APBB1: variants seen among roughly 807,000 people sequenced by gnomAD.
APBB1 encodes the protein amyloid beta precursor protein binding family B member 1.
A neutral mutation model predicts 78.4 loss-of-function variants in APBB1; 22 were observed. That is an observed-to-expected ratio of 0.28 (90% CI 0.20 to 0.40). The LOEUF (loss-of-function observed/expected upper bound fraction) is 0.40, where lower values mean the gene tolerates loss of function less well. APBB1 is among the 10% of genes least tolerant of loss of function. The probability of loss-of-function intolerance (pLI) is 1.00; values close to 1 mark genes in which losing one functional copy is unlikely to be tolerated. For missense variants in APBB1, 749 were observed against 932.4 expected (o/e 0.80, Z 2.56); for synonymous variants, 369 against 372.7 (o/e 0.99, Z 0.12).
chr11:6,415,833 A>G (rs1200459720), intron 1 of APBB1, among the ~76,000 whole-genome samples: 2 of 151,792 alleles, frequency 1.3e-5, no homozygotes, highest in East Asian at 3.9e-4. Flanking sequence ...CTGTTTATCT[A>G]TTTTCTCCTC....
chr11:6,415,042 T>G (rs1432922602), intron 1 of APBB1, among the ~76,000 whole-genome samples: 1 of 152,194 alleles, frequency 6.6e-6, no homozygotes, highest in African/African-American at 2.4e-5. Context: ...ACTGTTTAAG[T>G]GCTGAAGCCT....
intron 1 of APBB1, among the ~76,000 whole-genome samples, chr11:6,413,081 C>G (rs557817352): frequency 2.8e-4 from 42 of 152,078 alleles, no homozygotes; most frequent in Non-Finnish European, 2.1e-4. Context: ...CCTTCCCGGA[C>G]CCCCAAGAGA....
intron 2 of APBB1, chr11:6,404,709 AC>A: frequency 6.5e-7 from 1 of 1,535,712 alleles, no homozygotes; most frequent in Non-Finnish European, 8.7e-7. Context: ...TGTCAGCCCC[AC>A]CCCACATGAG....
intron 1 of APBB1, among the ~76,000 whole-genome samples, chr11:6,416,292 C>T (rs571660389): frequency 1.3e-5 from 2 of 152,320 alleles, no homozygotes; most frequent in African/African-American, 4.8e-5. Context: ...CCATTACCTG[C>T]TGGAGTTTCT....
intron 6 of APBB1, 105 bp from the exon 7 acceptor site, chr11:6,402,830 G>A: frequency 7.1e-7 from 1 of 1,415,740 alleles, no homozygotes; most frequent in Admixed American, 1.9e-5. Flanking sequence ...AACTAAGACG[G>A]AGAAGCTCCC....
intron 2 of APBB1, chr11:6,405,461 GC>G (rs1848762247): frequency 1.0e-6 from 1 of 986,812 alleles, no homozygotes; most frequent in Non-Finnish European, 1.2e-6. Flanking sequence ...CGCCCAGACT[GC>G]TGACGTGCTT....
chr11:6,402,467 C>A, intron 7 of APBB1, 109 bp downstream of exon 7: 1 of 1,299,494 alleles, frequency 7.7e-7, no homozygotes, highest in Non-Finnish European at 1.1e-6. Flanking sequence ...TAGGATGGGC[C>A]AATATCCCCC....
At chr11:6,406,485 G>A (rs903603488) in intron 2 of APBB1, among the ~76,000 whole-genome samples, 2 of 152,024 alleles carry the variant, frequency 1.3e-5, no homozygotes. Context: ...GCACAGTACA[G>A]CCCAAATGAT....
rs1435753573 is a variant in APBB1, at chr11:6,403,391, T to A, written c.968A>T (p.Asp323Val). The A allele has an allele frequency of 1.9e-6, 3 of 1,614,146 alleles. No homozygotes were observed. Among genetic ancestry groups the A allele is most frequent in the Non-Finnish European group, 8.5e-7 (1 of 1,180,006 alleles). ...DGEFWKDEPS[D>V]EAPMELGLKE... The stretch of plus-strand genomic sequence containing the variant: ...CAGTCCCAGCTCCATTGGGGCCTCA[T>A]CACTGGGTTCATCCTTGGGAAGGGG... The change falls in exon 5 of 15, where the codon GAT (aspartate) becomes GTT (valine). Residue 323 changes from aspartate (D) to valine (V), a missense_variant. Physicochemically the swap from Asp to Val is radical, Grantham distance 152 (BLOSUM62 -3). Around this residue, in one of 3 missense-constraint regions of APBB1, gnomAD observed 635 missense variants for 765.0 expected, o/e 0.83. Transcript: ENST00000609360. The surrounding 1 kb of genome is among the most constrained non-coding windows in gnomAD (Gnocchi z 5.3).
At chr11:6,415,427 T>C (rs1299179182) in intron 1 of APBB1, among the ~76,000 whole-genome samples, 1 of 152,202 alleles carries the variant, frequency 6.6e-6, no homozygotes, top group African/African-American at 2.4e-5. Context: ...GAGTTCTCAG[T>C]TCAGCGGGAA....
chr11:6,396,304 C>T, intron 12 of APBB1, 89 bp from the exon 13 acceptor site: 1 of 1,186,014 alleles, frequency 8.4e-7, no homozygotes, highest in Admixed American at 2.8e-5. Context: ...CAATCAAACC[C>T]AGGGCCTTTG....
chr11:6,395,817 C>T lies in APBB1; in HGVS notation c.1934G>A (p.Ser645Asn), dbSNP rs1339221321. The change falls in exon 14 of 15, where the codon AGC becomes AAC. Residue 645 changes from serine (S) to asparagine (N), a missense_variant. Ser to Asn is a conservative substitution (Grantham distance 46). Around this residue, in one of 3 missense-constraint regions of APBB1, gnomAD observed 96 missense variants for 116.0 expected, o/e 0.83. Coordinates refer to ENST00000609360, the MANE Select transcript of APBB1 (RefSeq NM_001164.5). This position sits in a 1 kb window ranked among gnomAD's most constrained non-coding sequence, Gnocchi z 5.2. ...CGCAGCCTGCACAGCCTCTGAGAGG[C>T]TGGCAGCATTGGGCTCGCACCAGAA... ...HMFWCEPNAA[S>N]LSEAVQAACM... 3.1e-6 allele frequency: 5 copies of T among 1,613,984 alleles called. No individual in the cohort carries two copies. Among genetic ancestry groups the T allele is most frequent in the Non-Finnish European group, 4.2e-6 (5 of 1,180,010 alleles).
In APBB1 at chr11:6,403,290, C is replaced by A. The variant is rs767238147; in HGVS notation, c.1040+29G>T. ...GCCCCTTCCAGACAGATCCATCCCA[C>A]TGCCAGCTCACTGCATCTGGCAGCT... is the stretch of plus-strand genomic sequence containing the variant. On this transcript the variant is annotated intron_variant, in intron 5 of 14. Transcript: ENST00000609360. The surrounding 1 kb of genome is among the most constrained non-coding windows in gnomAD (Gnocchi z 5.3). 6 of 1,613,132 alleles carry A rather than the reference C, an allele frequency of 3.7e-6. 1 individual carries two copies. In the South Asian group the frequency reaches 6.6e-5, roughly 18 times the overall value.
intron 12 of APBB1, among the ~76,000 whole-genome samples, chr11:6,398,490 T>C (rs753825936): frequency 1.3e-5 from 2 of 152,090 alleles, no homozygotes; most frequent in Admixed American, 6.5e-5. Flanking sequence ...AAGCAGGAAG[T>C]AAGTTTAGAG....
intron 7 of APBB1, 180 bp from the exon 8 acceptor site, chr11:6,402,389 C>T (rs910883929): frequency 1.3e-5 from 14 of 1,098,920 alleles, no homozygotes; most frequent in South Asian, 9.4e-5. Flanking sequence ...TTGACTCCAC[C>T]GTTGTTAGGC....
chr11:6,411,644 C>A lies in APBB1; in HGVS notation c.-14-283G>T, dbSNP rs79811238. On this transcript the variant is annotated intron_variant, in intron 1 of 14. Coordinates refer to ENST00000609360, the MANE Select transcript of APBB1 (RefSeq NM_001164.5). The surrounding 1 kb of genome is among the most constrained non-coding windows in gnomAD (Gnocchi z 5.2). ...TGGCGCCTGCCCTCGGTCCCACCAG[C>A]AAGGCCTCCACACAATGGCTCTCTG... 0.013 allele frequency among the ~76,000 whole-genome samples: 2,045 copies of A among 152,250 alleles called. 17 individuals carry two copies. The highest frequency in any genetic ancestry group is 0.016 in the Non-Finnish European group (1,057 of 68,008).
rs1441029396 is a variant in APBB1 at position 6,411,088 on chromosome 11, T to G, written c.260A>C (p.Gln87Pro). The change falls in exon 2 of 15, where the codon CAG (glutamine) becomes CCG (proline). Residue 87 changes from glutamine (Q) to proline (P), a missense_variant. Transcript: ENST00000609360. The surrounding 1 kb of genome is among the most constrained non-coding windows in gnomAD (Gnocchi z 5.2). ...LRRAATAHRD[Q>P]NRNVTLTLAE... ...CAAGGTCAAGGTCACATTGCGATTC[T>G]GGTCACGGTGGGCCGTGGCGGCCCG... The G allele has an allele frequency of 6.2e-7, 1 of 1,613,450 alleles. No homozygotes were observed. Among genetic ancestry groups the G allele is most frequent in the Admixed American group, 1.7e-5 (1 of 60,036 alleles).
chr11:6,396,000 C>T lies in APBB1; in HGVS notation c.1789-38G>A, dbSNP rs758157275. 6.2e-7 allele frequency: 1 copy of T among 1,606,604 alleles called. No homozygotes were observed. The highest frequency in any genetic ancestry group is 8.5e-7 in the Non-Finnish European group (1 of 1,174,902). On this transcript the variant is annotated intron_variant, in intron 13 of 14. Coordinates refer to ENST00000609360, the MANE Select transcript of APBB1 (RefSeq NM_001164.5). This position sits in a 1 kb window ranked among gnomAD's most constrained non-coding sequence, Gnocchi z 5.2. ...AACTCAGTTAAAAAGGAACACCAAC[C>T]CCACACTGTGTTCCACATCCATCTT...
Position 6,411,102 on chromosome 11 carries a change from C to A in APBB1, c.246G>T (p.Thr82=), listed in dbSNP as rs1186971924. The A allele has an allele frequency of 1.2e-6, 2 of 1,612,584 alleles. No homozygotes were observed. The highest frequency in any genetic ancestry group is 1.1e-5 in the South Asian group (1 of 91,082). ...EGQNQLRRAA[T]AHRDQNRNVT... is the part of the protein sequence containing the mutation. ...CATTGCGATTCTGGTCACGGTGGGC[C>A]GTGGCGGCCCGCCGGAGCTGGTTCT... The change falls in exon 2 of 15, where the codon ACG becomes ACT. Residue 82 remains threonine (T), a synonymous_variant. Coordinates refer to ENST00000609360, the MANE Select transcript of APBB1 (RefSeq NM_001164.5). This position sits in a 1 kb window ranked among gnomAD's most constrained non-coding sequence, Gnocchi z 5.2.
Sources: allele counts gnomAD v4.1 joint callset (sites outside exome capture counted in the v4.1 genomes callset), GRCh38; gene constraint gnomAD v4.1.1; regional missense constraint gnomAD v4.1.1; non-coding constraint Gnocchi (gnomAD v3.1); transcripts MANE v1.5; gene names NCBI Gene and HGNC (gene_info 2026-07-23, HGNC 2026-07-21).